Variants in RGPD3 observed in about 807,000 individuals in gnomAD.
The protein encoded by RGPD3 is RANBP2 like and GRIP domain containing 3.
A neutral mutation model predicts 154.5 loss-of-function variants in RGPD3; 62 were observed. The observed-to-expected ratio is 0.40, with a 90% CI of 0.33 to 0.50. RGPD3 has a LOEUF of 0.50. Among genes scored for constraint, RGPD3 ranks in the 20% least tolerant of loss-of-function variants. The pLI is 0.59. For missense variants in RGPD3, 919 were observed against 1,716.8 expected, an observed-to-expected ratio of 0.54 and a Z score of 8.21; for synonymous variants, 308 against 607.0, an observed-to-expected ratio of 0.51 and a Z score of 7.24.
rs1338867258 is a variant in RGPD3 at position 106,403,453 on chromosome 2, CCT to C, written c.*1764_*1765del. ...AAATATTAAAATAATCATTACACTT[CCT>C]CTCATTGCAGAAACCATGAAAGAAT... On this transcript the variant is annotated 3_prime_UTR_variant, in exon 23 of 23. Coordinates refer to ENST00000409886, the MANE Select transcript of RGPD3 (RefSeq NM_001144013.2). 2.0e-5 allele frequency among the ~76,000 whole-genome samples: 3 copies of C among 152,072 alleles called. No individual in the cohort carries two copies. The highest frequency in any genetic ancestry group is 4.4e-5 in the Non-Finnish European group (3 of 68,018).
At chr2:106,449,366 T>A (rs1678037948) in intron 6 of RGPD3, among the ~76,000 whole-genome samples, 1 of 141,338 alleles carries the variant, frequency 7.1e-6, no homozygotes, top group Middle Eastern at 3.9e-3. Context: ...CTTGGGAGGC[T>A]GAGGCAGGAG....
At chr2:106,446,556 C>T (rs1279069558) in intron 7 of RGPD3, among the ~76,000 whole-genome samples, 4 of 66,778 alleles carry the variant, frequency 6.0e-5, no homozygotes, top group Non-Finnish European at 1.1e-4. Context: ...GGCGACAGAG[C>T]GAGACTCCAT....
chr2:106,418,494 G>C (rs1056923376), intron 20 of RGPD3, among the ~76,000 whole-genome samples: 2 of 152,044 alleles, frequency 1.3e-5, no homozygotes, highest in African/African-American at 4.8e-5. Context: ...ATACAGTTAA[G>C]AGCCCAGAAT....
chr2:106,469,763 C>T (rs1000686139), upstream of RGPD3, among the ~76,000 whole-genome samples: 1 of 152,192 alleles, frequency 6.6e-6, no homozygotes, highest in African/African-American at 2.4e-5. Context: ...CTCCTTTCCA[C>T]ACATATACTG....
chr2:106,451,013 C>A (rs183864546), intron 6 of RGPD3, among the ~76,000 whole-genome samples: 2 of 148,658 alleles, frequency 1.3e-5, no homozygotes, highest in African/African-American at 5.0e-5. Context: ...CGCCTGAACC[C>A]GGGAGGCGGA....
intron 8 of RGPD3, among the ~76,000 whole-genome samples, chr2:106,440,417 A>G (rs1677702338): frequency 6.6e-6 from 1 of 151,716 alleles, no homozygotes; most frequent in South Asian, 2.1e-4. Flanking sequence ...GATCAAAGAT[A>G]TAAAAAAAAA....
chr2:106,467,184 C>CAGGGCCAGGT (rs1678642428), intron 1 of RGPD3, among the ~76,000 whole-genome samples: 6 of 2,868 alleles, frequency 2.1e-3, no homozygotes, highest in African/African-American at 2.5e-3. Flanking sequence ...GAGGCCGCCG[C>CAGGGCCAGGT]CTCAACAGAG....
At chr2:106,422,819 G>A (rs1677037562) in intron 20 of RGPD3, among the ~76,000 whole-genome samples, 1 of 151,786 alleles carries the variant, frequency 6.6e-6, no homozygotes, top group African/African-American at 2.4e-5. Context: ...GCCCTAGCAT[G>A]ATAGAAGTAT....
At chr2:106,461,347 C>T (rs1429721221) in intron 1 of RGPD3, among the ~76,000 whole-genome samples, 1 of 150,538 alleles carries the variant, frequency 6.6e-6, no homozygotes, top group Non-Finnish European at 1.5e-5. Context: ...TACTTGAACA[C>T]AAGCACTGCA....
In RGPD3 at chr2:106,468,067, C is replaced by A. The variant is rs532106248; in HGVS notation, c.72+150G>T. 2.1e-3 allele frequency: 2,152 copies of A among 1,005,000 alleles called. 47 individuals are homozygous for A. In the African/African-American group the frequency reaches 0.034, roughly 16 times the overall value. 62.3% of individuals were successfully genotyped at this position (1,005,000 alleles called of 1,614,324 possible). ...CTGAGCCATCGAGGCCGCCGCAGGG[C>A]CAGGTCGAGGCCGCCGCCTCCACAG... is the stretch of plus-strand genomic sequence containing the variant. On this transcript the variant is annotated intron_variant, in intron 1 of 22. Transcript: ENST00000409886.
chr2:106,441,224 A>G (rs1677732624), intron 8 of RGPD3, 69 bp downstream of exon 8: 2 of 1,576,692 alleles, frequency 1.3e-6, no homozygotes, highest in South Asian at 1.2e-5. Flanking sequence ...CTGAGATTTT[A>G]TCATAAGATA....
chr2:106,470,121 G>C (rs1276691436), upstream of RGPD3, among the ~76,000 whole-genome samples: 2 of 152,048 alleles, frequency 1.3e-5, no homozygotes, highest in Non-Finnish European at 2.9e-5. Context: ...TACTAATAAA[G>C]CACTGAGAAC....
In RGPD3 at chr2:106,466,988, G is replaced by T. The variant is rs1678628849; in HGVS notation, c.72+1229C>A. ...GAGGCCGCCGCAGGGCCAGGTCGAGGCTGCCGCCGCCTGGCCAGGTCGAGG... is the reference window on the plus strand; with the variant it reads ...GAGGCCGCCGCAGGGCCAGGTCGAGTCTGCCGCCGCCTGGCCAGGTCGAGG... On this transcript the variant is annotated intron_variant, in intron 1 of 22. Transcript: ENST00000409886. Among the ~76,000 whole-genome samples, 2 of 128,402 alleles carry T rather than the reference G, an allele frequency of 1.6e-5. 1 individual carries two copies. Among genetic ancestry groups the T allele is most frequent in the Non-Finnish European group, 3.4e-5 (2 of 58,764 alleles). 84.2% of individuals were successfully genotyped at this position (128,402 alleles called of 152,430 possible).
intron 1 of RGPD3, among the ~76,000 whole-genome samples, chr2:106,460,413 T>C (rs1214370779): frequency 6.6e-6 from 1 of 150,550 alleles, no homozygotes; most frequent in Non-Finnish European, 1.5e-5. Context: ...CAATAGTACA[T>C]GTACTGTTCT....
intron 6 of RGPD3, among the ~76,000 whole-genome samples, chr2:106,449,743 C>G (rs1487935172): frequency 6.6e-6 from 1 of 151,170 alleles, no homozygotes; most frequent in African/African-American, 2.4e-5. Context: ...ACCAGCCGGG[C>G]GCGGTGGCTC....
rs200853670 is a variant in RGPD3, at chr2:106,404,735, C to G, written c.*484G>C. On this transcript the variant is annotated 3_prime_UTR_variant, in exon 23 of 23. Coordinates refer to ENST00000409886, the MANE Select transcript of RGPD3 (RefSeq NM_001144013.2). ...AACGATTCTCCAGCCTCAGCCTCCC[C>G]AAGTAGTGGGATTTCAGGCATGAAT... Among the ~76,000 whole-genome samples, 3 of 75,962 alleles carry G rather than the reference C, an allele frequency of 3.9e-5. No individual in the cohort carries two copies. The highest frequency in any genetic ancestry group is 8.2e-5 in the Non-Finnish European group (3 of 36,560). 49.8% of individuals were successfully genotyped at this position (75,962 alleles called of 152,430 possible).
rs1230419506 is a variant in RGPD3 at position 106,424,247 on chromosome 2, A to C, written c.3720T>G (p.Ala1240=). The C allele has an allele frequency of 6.8e-5, 109 of 1,611,982 alleles. No individual in the cohort carries two copies. Among genetic ancestry groups the C allele is most frequent in the Non-Finnish European group, 8.9e-5 (105 of 1,179,864 alleles). The change falls in exon 20 of 23, where the codon GCT becomes GCG. Residue 1240 remains alanine (A), a synonymous_variant. Transcript: ENST00000409886. ...ATTCTAATGTGGGCCCAGTGTTTTC[A>C]GCATTGGGTTTTATTGTTGTGTCTG... ...GASDTTIKPN[A]ENTGPTLEWD... is the part of the protein sequence containing the mutation.
Position 106,424,117 on chromosome 2 carries a change from G to A in RGPD3, c.3850C>T (p.His1284Tyr), listed in dbSNP as rs1210873660. 3.2e-6 allele frequency: 5 copies of A among 1,565,108 alleles called. No individual in the cohort carries two copies. The highest frequency in any genetic ancestry group is 4.8e-5 in the East Asian group (2 of 42,022). ...GATCCTGTTGTTGACTCATCAAAGT[G>A]GAAAAGATTTTTTCTCACAGGGCTA... is the stretch of plus-strand genomic sequence containing the variant. ...ASSPVRKNLFHFDESTTGSNF... is the reference protein window; with the variant it reads ...ASSPVRKNLFYFDESTTGSNF... The change falls in exon 20 of 23, where the codon CAC (histidine) becomes TAC (tyrosine). Residue 1284 changes from histidine (H) to tyrosine (Y), a missense_variant. Coordinates refer to ENST00000409886, the MANE Select transcript of RGPD3 (RefSeq NM_001144013.2).
chr2:106,441,417 T>C, intron 7 of RGPD3, 37 bp from the exon 8 acceptor site: 2 of 1,111,180 alleles, frequency 1.8e-6, no homozygotes, highest in Non-Finnish European at 1.3e-6. Context: ...AATTTGATGA[T>C]ACCCATACTT....
Sources: gnomAD v4.1 joint callset for allele counts (sites outside exome capture counted in the v4.1 genomes callset) on GRCh38, gnomAD v4.1.1 for gene constraint, MANE v1.5 for transcripts, NCBI Gene and HGNC (gene_info 2026-07-23, HGNC 2026-07-21) for gene names.